Variants in NSD2 observed in about 807,000 individuals in gnomAD.
The protein encoded by NSD2 is histone-lysine N-methyltransferase NSD2.
In NSD2, 12 loss-of-function variants were observed where a neutral mutation model predicts 139.0. The ratio of observed to expected loss-of-function variants is 0.09; its 90% CI spans 0.06 to 0.14. The LOEUF is 0.14. NSD2 is among the 10% of genes least tolerant of loss of function. The pLI, the probability that NSD2 is intolerant of heterozygous loss-of-function variation, is 1.00. For missense variants in NSD2, 1,155 were observed against 1,745.0 expected (o/e 0.66, Z 6.02); for synonymous variants, 669 against 648.7 (o/e 1.03, Z -0.48).
chr4:1,978,959 C>T lies in NSD2; in HGVS notation c.*50C>T. 2.1e-6 allele frequency: 3 copies of T among 1,446,822 alleles called. No individual in the cohort carries two copies. The highest frequency in any genetic ancestry group is 2.7e-6 in the Non-Finnish European group (3 of 1,097,736). The allele number at this position is 1,446,822 out of a possible 1,614,324, so 89.6% of individuals were successfully genotyped here. On this transcript the variant is annotated 3_prime_UTR_variant, in exon 22 of 22. Coordinates refer to ENST00000508803, the MANE Select transcript of NSD2 (RefSeq NM_001042424.3). ...CCAGGGGCGGTGCAGGGCGGCCGGC[C>T]CTGCCTGCGGGAGAGGGCGAGCATG... is the stretch of plus-strand genomic sequence containing the variant.
At chr4:1,895,643 C>G (rs964993708) in intron 1 of NSD2, among the ~76,000 whole-genome samples, 1 of 152,116 alleles carries the variant, frequency 6.6e-6, no homozygotes, top group South Asian at 2.1e-4. Flanking sequence ...CCTGGAGGAT[C>G]TCTCACTGCT....
In NSD2 at chr4:1,955,553, C is replaced by G. The variant is rs1313157013; in HGVS notation, c.2519-140C>G. 2.4e-6 allele frequency: 3 copies of G among 1,255,646 alleles called. No individual in the cohort carries two copies. The highest frequency in any genetic ancestry group is 2.8e-4 in the Middle Eastern group (1 of 3,586). The allele number at this position is 1,255,646 out of a possible 1,614,324, so 77.8% of individuals were successfully genotyped here. A position where few individuals can be genotyped will look rare whatever the true frequency, so the allele number is the denominator to read the frequency against. On this transcript the variant is annotated intron_variant, in intron 13 of 21. Coordinates refer to ENST00000508803, the MANE Select transcript of NSD2 (RefSeq NM_001042424.3). This position sits in a 1 kb window ranked among gnomAD's most constrained non-coding sequence, Gnocchi z 4.7. Reference sequence around the variant, plus strand: ...ATTTGTGGTGAAAATGACATTTGCTCTCGTGCTGATGTACAGATCGCTGTT... The same window carrying G: ...ATTTGTGGTGAAAATGACATTTGCTGTCGTGCTGATGTACAGATCGCTGTT...
At position 1,956,229 on chromosome 4, in the gene NSD2, T is replaced by G; in HGVS notation, c.2881+41T>G. The G allele has an allele frequency of 6.7e-7, 1 of 1,489,418 alleles. No individual in the cohort carries two copies. Among genetic ancestry groups the G allele is most frequent in the South Asian group, 1.3e-5 (1 of 76,610 alleles). 92.3% of individuals were successfully genotyped at this position (1,489,418 alleles called of 1,614,324 possible). A position where few individuals can be genotyped will look rare whatever the true frequency, so the allele number is the denominator to read the frequency against. On this transcript the variant is annotated intron_variant, in intron 15 of 21. Transcript: ENST00000508803. The surrounding 1 kb of genome is among the most constrained non-coding windows in gnomAD (Gnocchi z 5.3). Reference sequence around the variant, plus strand: ...GATAGAGAGTGAGACAGCACTCTCGTGCATTTTCTTACCCCTAATTTCTAT... The same window carrying G: ...GATAGAGAGTGAGACAGCACTCTCGGGCATTTTCTTACCCCTAATTTCTAT...
intron 1 of NSD2, among the ~76,000 whole-genome samples, chr4:1,874,512 A>G (rs1002194207): frequency 1.3e-5 from 2 of 152,208 alleles, no homozygotes; most frequent in Non-Finnish European, 2.9e-5. Flanking sequence ...GTAAGTGCCG[A>G]ATAAATGGGT....
Position 1,918,544 on chromosome 4 carries a change from C to T in NSD2, c.1331C>T (p.Thr444Ile). 8 of 1,613,890 alleles carry T rather than the reference C, an allele frequency of 5.0e-6. No homozygotes were observed. Among genetic ancestry groups the T allele is most frequent in the Non-Finnish European group, 6.8e-6 (8 of 1,179,954 alleles). Residue 444 changes from threonine (T) to isoleucine (I), a missense_variant, in exon 5 of 22, where the codon ACC (threonine) becomes ATC (isoleucine). Transcript: ENST00000508803. Reference sequence around the variant, plus strand: ...GGGTCTCCTCCTGGGAGGAAGAAGACCACAGTCTCCATGCCACGAAGCAGG... The same window carrying T: ...GGGTCTCCTCCTGGGAGGAAGAAGATCACAGTCTCCATGCCACGAAGCAGG... The part of the protein sequence containing the change: ...GVGSPPGRKK[T>I]TVSMPRSRKG...
intron 5 of NSD2, among the ~76,000 whole-genome samples, chr4:1,925,175 A>G (rs1252793423): frequency 6.6e-6 from 1 of 152,024 alleles, no homozygotes; most frequent in Admixed American, 6.6e-5. Flanking sequence ...GTCTTTCTAC[A>G]TTGTTTTTTA....
At chr4:1,953,078 G>A in intron 11 of NSD2, 2 of 1,476,850 alleles carry the variant, frequency 1.4e-6, no homozygotes, top group South Asian at 2.8e-5. Context: ...CAGCCAGGCT[G>A]CCTAGTAAGA....
chr4:1,880,580 A>C (rs551516156), intron 1 of NSD2, among the ~76,000 whole-genome samples: 3 of 151,840 alleles, frequency 2.0e-5, no homozygotes, highest in African/African-American at 4.8e-5. Context: ...AGCAAAGGTC[A>C]TATCTTTGAA....
intron 5 of NSD2, among the ~76,000 whole-genome samples, chr4:1,928,740 G>T (rs1301343869): frequency 6.6e-6 from 1 of 152,160 alleles, no homozygotes; most frequent in African/African-American, 2.4e-5. Flanking sequence ...GGGGTGCCAG[G>T]GGCAGAGGTG....
chr4:1,879,948 C>T (rs1714582004), intron 1 of NSD2, among the ~76,000 whole-genome samples: 1 of 151,838 alleles, frequency 6.6e-6, no homozygotes, highest in Non-Finnish European at 1.5e-5. Context: ...ATTCTCTTCT[C>T]CAGGTTGTGA....
At position 1,942,201 on chromosome 4, in the gene NSD2, G is replaced by T; in HGVS notation, c.1881+2423G>T. The T allele has an allele frequency of 1.4e-6, 2 of 1,469,530 alleles. No individual in the cohort carries two copies. Among genetic ancestry groups the T allele is most frequent in the Non-Finnish European group, 1.8e-6 (2 of 1,113,698 alleles). The allele number at this position is 1,469,530 out of a possible 1,614,324, so 91.0% of individuals were successfully genotyped here. A position where few individuals can be genotyped will look rare whatever the true frequency, so the allele number is the denominator to read the frequency against. On this transcript the variant is annotated intron_variant, in intron 9 of 21. Coordinates refer to ENST00000508803, the MANE Select transcript of NSD2 (RefSeq NM_001042424.3). The surrounding 1 kb of genome is among the most constrained non-coding windows in gnomAD (Gnocchi z 4.0). ...TTACATGGTACTACATCACCCTGAGGAAGAGAATAAATTAAAATTACACAC... is the reference window on the plus strand; with the variant it reads ...TTACATGGTACTACATCACCCTGAGTAAGAGAATAAATTAAAATTACACAC...
chr4:1,942,830 C>G lies in NSD2; in HGVS notation c.1881+3052C>G. On this transcript the variant is annotated intron_variant, in intron 9 of 21. Coordinates refer to ENST00000508803, the MANE Select transcript of NSD2 (RefSeq NM_001042424.3). The surrounding 1 kb of genome is among the most constrained non-coding windows in gnomAD (Gnocchi z 4.0). ...ACTAACAGCACACGTTAGGAGGAGTCCTCATCAGCTGTTCTCATTGCCAGT... is the reference window on the plus strand; with the variant it reads ...ACTAACAGCACACGTTAGGAGGAGTGCTCATCAGCTGTTCTCATTGCCAGT... 9.4e-7 allele frequency: 1 copy of G among 1,068,824 alleles called. No homozygotes were observed. Among genetic ancestry groups the G allele is most frequent in the Non-Finnish European group, 1.1e-6 (1 of 881,192 alleles). The allele number at this position is 1,068,824 out of a possible 1,614,324, so 66.2% of individuals were successfully genotyped here. A position where few individuals can be genotyped will look rare whatever the true frequency, so the allele number is the denominator to read the frequency against.
chr4:1,955,011 G>T lies in NSD2; in HGVS notation c.2339-150G>T. ...TCAAACATGGTTTTGAAGCACCTTT[G>T]CTCTGAAAGCTTTTTTTAAATCAAA... On this transcript the variant is annotated intron_variant, in intron 12 of 21. Coordinates refer to ENST00000508803, the MANE Select transcript of NSD2 (RefSeq NM_001042424.3). This position sits in a 1 kb window ranked among gnomAD's most constrained non-coding sequence, Gnocchi z 4.7. The T allele has an allele frequency of 2.2e-6, 2 of 906,366 alleles. No homozygotes were observed. Among genetic ancestry groups the T allele is most frequent in the Admixed American group, 2.9e-5 (1 of 34,326 alleles). The allele number at this position is 906,366 out of a possible 1,614,324, so 56.1% of individuals were successfully genotyped here.
chr4:1,933,305 A>G (rs1469341333), intron 6 of NSD2, among the ~76,000 whole-genome samples: 1 of 151,978 alleles, frequency 6.6e-6, no homozygotes, highest in South Asian at 2.1e-4. Flanking sequence ...GGAGCTGAGC[A>G]CTCTTTTGCT....
chr4:1,907,134 C>CT (rs1184561056), intron 3 of NSD2, among the ~76,000 whole-genome samples: 1 of 152,140 alleles, frequency 6.6e-6, no homozygotes, highest in Non-Finnish European at 1.5e-5. Flanking sequence ...TCTCGCTAAG[C>CT]TTCAGTTTCC....
chr4:1,979,900 G>A lies in NSD2; in HGVS notation c.*991G>A, dbSNP rs899756913. Reference sequence around the variant, plus strand: ...GCAGTCTGCTTAGAGCACAGGAAGTGACAACTTAGGGAGCCCCGTAGGGCG... The same window carrying A: ...GCAGTCTGCTTAGAGCACAGGAAGTAACAACTTAGGGAGCCCCGTAGGGCG... On this transcript the variant is annotated 3_prime_UTR_variant, in exon 22 of 22. Transcript: ENST00000508803. 14 of 232,692 alleles carry A rather than the reference G, an allele frequency of 6.0e-5. No homozygotes were observed. In the East Asian group the frequency reaches 8.5e-4, roughly 14 times the overall value. 14.4% of individuals were successfully genotyped at this position (232,692 alleles called of 1,614,324 possible).
chr4:1,981,274 C>A lies in NSD2; in HGVS notation c.*2365C>A, dbSNP rs1727738314. The A allele has an allele frequency of 4.3e-6, 1 of 233,182 alleles. No individual in the cohort carries two copies. The allele number at this position is 233,182 out of a possible 1,614,324, so 14.4% of individuals were successfully genotyped here. On this transcript the variant is annotated 3_prime_UTR_variant, in exon 22 of 22. Coordinates refer to ENST00000508803, the MANE Select transcript of NSD2 (RefSeq NM_001042424.3). ...GTCTCTACAATACCCGTTGATAACTCAGTGGAGCCAGGCTTTGGGGTAGCG... is the reference window on the plus strand; with the variant it reads ...GTCTCTACAATACCCGTTGATAACTAAGTGGAGCCAGGCTTTGGGGTAGCG...
intron 9 of NSD2, chr4:1,941,504 T>C (rs1221250804): frequency 1.5e-5 from 16 of 1,045,338 alleles, no homozygotes; most frequent in Non-Finnish European, 1.8e-5. Context: ...GCAGTTGTCC[T>C]GACCTTGAGA....
At chr4:1,964,073 C>T (rs1481442187) in intron 18 of NSD2, among the ~76,000 whole-genome samples, 1 of 152,186 alleles carries the variant, frequency 6.6e-6, no homozygotes, top group Non-Finnish European at 1.5e-5. Flanking sequence ...CCCTCGTGAG[C>T]AGACCTTCCT....
Sources: gnomAD v4.1 joint callset for allele counts (sites outside exome capture counted in the v4.1 genomes callset) on GRCh38, gnomAD v4.1.1 for gene constraint, Gnocchi (gnomAD v3.1) non-coding constraint, MANE v1.5 for transcripts, NCBI Gene and HGNC (gene_info 2026-07-23, HGNC 2026-07-21) for gene names.